The following MARCHF4 variants were observed in gnomAD, a reference collection of about 807,000 sequenced individuals.
MARCHF4 encodes the protein E3 ubiquitin-protein ligase MARCHF4.
MARCHF4 carries 14 observed loss-of-function variants against 43.9 expected under a neutral mutation model. That is an observed-to-expected ratio of 0.32 (90% confidence interval 0.21 to 0.50). The LOEUF (loss-of-function observed/expected upper bound fraction) is 0.50, where lower values mean the gene tolerates loss of function less well. MARCHF4 is among the 20% of genes least tolerant of loss of function. The pLI is 0.98. For synonymous variants in MARCHF4, 226 were observed against 213.3 expected, an observed-to-expected ratio of 1.06 and a Z score of -0.52; for missense variants, 468 against 536.7, an observed-to-expected ratio of 0.87 and a Z score of 1.27.
intron 1 of MARCHF4, chr2:216,303,492 G>A (rs1559093984): frequency 6.6e-6 from 1 of 152,300 alleles, no homozygotes; most frequent in Non-Finnish European, 1.5e-5. Flanking sequence ...TGGAGACAGA[G>A]CTGGCTTTTT....
At chr2:216,367,872 T>C (rs1692690708) in intron 1 of MARCHF4, among the ~76,000 whole-genome samples, 2 of 152,228 alleles carry the variant, frequency 1.3e-5, no homozygotes, top group African/African-American at 4.8e-5. Context: ...GCTCATTATA[T>C]ATAAATTCCT....
At chr2:216,308,149 C>T (rs1202295018) in intron 1 of MARCHF4, among the ~76,000 whole-genome samples, 3 of 152,194 alleles carry the variant, frequency 2.0e-5, no homozygotes, top group South Asian at 2.1e-4. Flanking sequence ...TGCCTATAAT[C>T]CCAACACTTT....
chr2:216,352,231 C>A (rs1382596459), intron 1 of MARCHF4, among the ~76,000 whole-genome samples: 1 of 152,198 alleles, frequency 6.6e-6, no homozygotes, highest in Admixed American at 6.5e-5. Context: ...ATAGTGATCA[C>A]CCCAAATGGA....
At chr2:216,276,991 T>G (rs1218497176) in intron 3 of MARCHF4, among the ~76,000 whole-genome samples, 2 of 152,040 alleles carry the variant, frequency 1.3e-5, no homozygotes, top group African/African-American at 2.4e-5. Context: ...TCTAAAACAC[T>G]GAAACCTTTT....
intron 1 of MARCHF4, among the ~76,000 whole-genome samples, chr2:216,300,721 G>A (rs574202145): frequency 1.6e-3 from 243 of 151,940 alleles, no homozygotes; most frequent in Non-Finnish European, 2.6e-3. Context: ...TTATTCCCAC[G>A]GCTTCTGTTG....
intron 1 of MARCHF4, among the ~76,000 whole-genome samples, chr2:216,314,250 T>C (rs751822779): frequency 2.6e-5 from 4 of 152,154 alleles, no homozygotes; most frequent in Admixed American, 6.5e-5. Context: ...AAAACAGATA[T>C]GGTTTCTGCC....
At chr2:216,323,226 T>C (rs1230119930) in intron 1 of MARCHF4, among the ~76,000 whole-genome samples, 1 of 152,172 alleles carries the variant, frequency 6.6e-6, no homozygotes, top group Non-Finnish European at 1.5e-5. Flanking sequence ...ATCATCCAAA[T>C]GAGTGGGTAA....
At chr2:216,294,397 A>G (rs1279116515) in intron 1 of MARCHF4, among the ~76,000 whole-genome samples, 1 of 152,250 alleles carries the variant, frequency 6.6e-6, no homozygotes, top group Non-Finnish European at 1.5e-5. Context: ...CAGGGGAAAC[A>G]GCAGATGTTG....
chr2:216,339,722 C>T (rs1692209370), intron 1 of MARCHF4, among the ~76,000 whole-genome samples: 1 of 152,090 alleles, frequency 6.6e-6, no homozygotes, highest in Non-Finnish European at 1.5e-5. Context: ...CATTCATGTG[C>T]CTTCTATGGG....
chr2:216,305,528 G>T (rs573865332), intron 1 of MARCHF4, among the ~76,000 whole-genome samples: 1 of 152,330 alleles, frequency 6.6e-6, no homozygotes, highest in Non-Finnish European at 1.5e-5. Context: ...AAGAATGGAA[G>T]AGAGGAAGAG....
In MARCHF4 at chr2:216,259,695, G is replaced by C. The variant is rs1279451887; in HGVS notation, c.866-16C>G. 23 of 1,609,454 alleles carry C rather than the reference G, an allele frequency of 1.4e-5. No individual in the cohort carries two copies. The highest frequency in any genetic ancestry group is 1.9e-5 in the Non-Finnish European group (22 of 1,176,826). ...ATGATGAGACCTGAGGCAGCAGGGA[G>C]AGGAGAAACAGAGGCCAAATGAGAG... On this transcript the variant is annotated splice_polypyrimidine_tract_variant and intron_variant, in intron 3 of 3. Transcript: ENST00000273067.
chr2:216,353,167 A>T (rs1441927012), intron 1 of MARCHF4, among the ~76,000 whole-genome samples: 1 of 152,170 alleles, frequency 6.6e-6, no homozygotes, highest in African/African-American at 2.4e-5. Context: ...AATTGAGGCG[A>T]TGTTCAAATG....
intron 2 of MARCHF4, among the ~76,000 whole-genome samples, chr2:216,278,888 G>A (rs1253378786): frequency 6.6e-6 from 1 of 152,182 alleles, no homozygotes; most frequent in African/African-American, 2.4e-5. Flanking sequence ...CAGGTCTGAA[G>A]GAGCCAGGAG....
At chr2:216,288,923 C>G (rs1390152812) in intron 1 of MARCHF4, among the ~76,000 whole-genome samples, 5 of 151,904 alleles carry the variant, frequency 3.3e-5, no homozygotes, top group South Asian at 4.2e-4. Context: ...TCCTGCCTCT[C>G]CCTCTCCATC....
intron 1 of MARCHF4, among the ~76,000 whole-genome samples, chr2:216,295,239 CA>C (rs1691372002): frequency 6.6e-6 from 1 of 152,106 alleles, no homozygotes; most frequent in Admixed American, 6.5e-5. Context: ...TGGGATAACA[CA>C]AGGTGAGGGT....
At chr2:216,340,755 A>G (rs1381359129) in intron 1 of MARCHF4, among the ~76,000 whole-genome samples, 1 of 152,196 alleles carries the variant, frequency 6.6e-6, no homozygotes, top group East Asian at 1.9e-4. Flanking sequence ...CAACAGAGAA[A>G]ATACAGTGTT....
At chr2:216,369,197 C>T (rs1692713350) in intron 1 of MARCHF4, among the ~76,000 whole-genome samples, 1 of 152,178 alleles carries the variant, frequency 6.6e-6, no homozygotes. Context: ...ATTTCCTCCT[C>T]AGTTGCTAGA....
chr2:216,355,252 G>T (rs746198212), intron 1 of MARCHF4, among the ~76,000 whole-genome samples: 2 of 152,104 alleles, frequency 1.3e-5, no homozygotes, highest in East Asian at 3.9e-4. Flanking sequence ...GATTACAGAC[G>T]TGAGCCACTG....
At chr2:216,354,782 C>T (rs545569464) in intron 1 of MARCHF4, among the ~76,000 whole-genome samples, 29 of 152,224 alleles carry the variant, frequency 1.9e-4, no homozygotes, top group Non-Finnish European at 3.7e-4. Flanking sequence ...GTGGGACTCA[C>T]TCAGGTCCTC....
Sources: allele counts gnomAD v4.1 joint callset (sites outside exome capture counted in the v4.1 genomes callset), GRCh38; gene constraint gnomAD v4.1.1; transcripts MANE v1.5; gene names NCBI Gene and HGNC (gene_info 2026-07-23, HGNC 2026-07-21).